The following ASIC2 variants were observed in gnomAD, a reference collection of about 807,000 sequenced individuals.
ASIC2 encodes the protein acid-sensing ion channel 2.
Under a neutral mutation model 57.3 loss-of-function variants are expected in ASIC2, and 25 were observed. That is an observed-to-expected ratio of 0.44 (90% CI 0.32 to 0.61). ASIC2 has a LOEUF of 0.61. Among genes scored for constraint, ASIC2 ranks in the 20% least tolerant of loss-of-function variants. ASIC2 has a pLI of 0.06. For missense variants in ASIC2, 641 were observed against 738.1 expected, an observed-to-expected ratio of 0.87 and a Z score of 1.52; for synonymous variants, 319 against 307.5, an observed-to-expected ratio of 1.04 and a Z score of -0.39.
At chr17:33,452,738 G>GGTGTGTGT (rs35126239) in intron 1 of ASIC2, among the ~76,000 whole-genome samples, 12,602 of 140,368 alleles carry the variant, frequency 0.09, 622 homozygotes, top group Middle Eastern at 0.1. Context: ...AACAGAGTGG[G>GGTGTGTGT]GTGTGTGTGT....
chr17:34,131,359 T>C (rs1367136451), intron 1 of ASIC2, among the ~76,000 whole-genome samples: 2 of 152,086 alleles, frequency 1.3e-5, no homozygotes, highest in Admixed American at 1.3e-4. Flanking sequence ...GAGTAGGCCA[T>C]TGTATTCCCT....
intron 1 of ASIC2, among the ~76,000 whole-genome samples, chr17:33,221,692 C>T (rs796667939): frequency 7.9e-5 from 12 of 152,124 alleles, no homozygotes; most frequent in African/African-American, 2.9e-4. Flanking sequence ...TTTTATAGAC[C>T]AAATAATTTA....
chr17:33,859,838 T>C (rs1432222708), intron 1 of ASIC2, among the ~76,000 whole-genome samples: 1 of 152,152 alleles, frequency 6.6e-6, no homozygotes, highest in Admixed American at 6.5e-5. Flanking sequence ...GTGCATGTGC[T>C]ACCACACCTA....
intron 1 of ASIC2, among the ~76,000 whole-genome samples, chr17:33,995,105 A>G (rs1247544253): frequency 6.6e-6 from 1 of 152,112 alleles, no homozygotes; most frequent in Non-Finnish European, 1.5e-5. Flanking sequence ...ATGAAGCTCA[A>G]ATCCCACACA....
intron 1 of ASIC2, among the ~76,000 whole-genome samples, chr17:33,781,012 G>A (rs866663144): frequency 2.6e-5 from 4 of 152,296 alleles, no homozygotes; most frequent in Non-Finnish European, 5.9e-5. Context: ...TGTGAGGATC[G>A]GGGGTAATGA....
intron 1 of ASIC2, among the ~76,000 whole-genome samples, chr17:33,682,074 T>G (rs1194374187): frequency 6.6e-6 from 1 of 150,448 alleles, no homozygotes; most frequent in Admixed American, 6.6e-5. Context: ...TTTTTTTTTT[T>G]TTTGAGACAG....
chr17:33,976,405 C>G (rs1014869529), intron 1 of ASIC2: 1 of 152,132 alleles, frequency 6.6e-6, no homozygotes, highest in African/African-American at 2.4e-5. Context: ...CCTGACCCCA[C>G]ATTCCAACTC....
At chr17:33,874,522 C>G (rs1914504857) in intron 1 of ASIC2, among the ~76,000 whole-genome samples, 1 of 152,244 alleles carries the variant, frequency 6.6e-6, no homozygotes, top group South Asian at 2.1e-4. Flanking sequence ...GCCGTGTCCT[C>G]TTGACCTCGA....
At chr17:33,732,741 G>T (rs555685304) in intron 1 of ASIC2, among the ~76,000 whole-genome samples, 2 of 152,124 alleles carry the variant, frequency 1.3e-5, no homozygotes, top group Admixed American at 1.3e-4. Context: ...GGGTTCAAGT[G>T]ATTCTCCTGC....
At chr17:34,126,273 C>T (rs1268133575) in intron 1 of ASIC2, among the ~76,000 whole-genome samples, 2 of 152,180 alleles carry the variant, frequency 1.3e-5, no homozygotes, top group Non-Finnish European at 2.9e-5. Flanking sequence ...AAAGGCTACA[C>T]CAGTGAGACT....
intron 1 of ASIC2, among the ~76,000 whole-genome samples, chr17:33,394,638 AGCCAAGTGAG>A (rs1406944514): frequency 1.3e-5 from 2 of 152,160 alleles, no homozygotes; most frequent in African/African-American, 4.8e-5. Context: ...GACTAGGGTG[AGCCAAGTGAG>A]GCACCCAGGG....
Position 33,822,455 on chromosome 17 carries a change from A to G in ASIC2, c.555+333523T>C, listed in dbSNP as rs1275754082. On this transcript the variant is annotated intron_variant, in intron 1 of 9. Coordinates refer to the ASIC2 transcript ENST00000359872. ...GAAATTAGAAACCTATGAATTCCCC[A>G]TATTTCTCATCATCTTTTACTTTAT... Among the ~76,000 whole-genome samples, 10 of 152,320 alleles carry G rather than the reference A, an allele frequency of 6.6e-5. No homozygotes were observed. In the South Asian group the frequency reaches 2.1e-3, roughly 32 times the overall value.
intron 1 of ASIC2, among the ~76,000 whole-genome samples, chr17:33,576,997 T>C (rs1916645085): frequency 6.6e-6 from 1 of 152,246 alleles, no homozygotes; most frequent in South Asian, 2.1e-4. Flanking sequence ...TATGTTCTCA[T>C]TAAACATTAC....
chr17:34,069,983 T>C (rs1011914045), intron 1 of ASIC2: 5 of 152,124 alleles, frequency 3.3e-5, no homozygotes, highest in African/African-American at 9.7e-5. Context: ...ATTTAATTAA[T>C]AGAATTTGTA....
intron 1 of ASIC2, among the ~76,000 whole-genome samples, chr17:34,032,765 A>G (rs1907672996): frequency 6.6e-6 from 1 of 152,228 alleles, no homozygotes; most frequent in Non-Finnish European, 1.5e-5. Flanking sequence ...AGAGACAAAG[A>G]AGGCCATTAC....
intron 1 of ASIC2, among the ~76,000 whole-genome samples, chr17:33,299,809 G>A (rs565862306): frequency 6.6e-6 from 1 of 152,300 alleles, no homozygotes; most frequent in African/African-American, 2.4e-5. Context: ...GAGGAAGTGT[G>A]GCTGAAGCGT....
chr17:33,641,214 T>G (rs1250617020), intron 1 of ASIC2, among the ~76,000 whole-genome samples: 1 of 152,188 alleles, frequency 6.6e-6, no homozygotes, highest in African/African-American at 2.4e-5. Context: ...CAGCCCAGCT[T>G]ATAGACAGTT....
At chr17:33,883,209 C>T (rs1027134955) in intron 1 of ASIC2, among the ~76,000 whole-genome samples, 9 of 151,952 alleles carry the variant, frequency 5.9e-5, no homozygotes, top group Non-Finnish European at 1.3e-4. Flanking sequence ...CAAACCTGCA[C>T]GTTGTGCACA....
At chr17:33,112,109 A>G (rs1420975053) in intron 1 of ASIC2, 42 bp from the exon 2 acceptor site, 1 of 1,570,026 alleles carries the variant, frequency 6.4e-7, no homozygotes, top group Non-Finnish European at 8.6e-7. Context: ...CACATGGGTA[A>G]CTTCAGACGG....
Sources: allele counts gnomAD v4.1 joint callset (sites outside exome capture counted in the v4.1 genomes callset), GRCh38; gene constraint gnomAD v4.1.1; transcripts MANE v1.5; gene names NCBI Gene and HGNC (gene_info 2026-07-23, HGNC 2026-07-21).